Variants in TP73 observed in about 807,000 individuals in gnomAD.
The protein encoded by TP73 is tumor protein p73.
Under a neutral mutation model 62.5 loss-of-function variants are expected in TP73, and 25 were observed. The ratio of observed to expected loss-of-function variants is 0.40; its 90% CI spans 0.29 to 0.56. TP73 has a LOEUF of 0.56. Ranked by LOEUF, TP73 falls within the 20% of genes least tolerant of loss-of-function variation. The probability of loss-of-function intolerance (pLI) is 0.46; values close to 1 mark genes in which losing one functional copy is unlikely to be tolerated. For synonymous variants in TP73, 423 were observed against 377.5 expected (o/e 1.12, Z -1.40); for missense variants, 754 against 913.3 (o/e 0.83, Z 2.25).
At chr1:3,711,846 A>ATGTGTGTGTGTGTGTG (rs3841787) in intron 4 of TP73, among the ~76,000 whole-genome samples, 20 of 150,110 alleles carry the variant, frequency 1.3e-4, no homozygotes, top group African/African-American at 4.7e-4. Flanking sequence ...GAGCGTGTGT[A>ATGTGTGTGTGTGTGTG]TGTGTGTGTG....
intron 3 of TP73, among the ~76,000 whole-genome samples, chr1:3,683,440 G>A (rs1645571959): frequency 6.6e-6 from 1 of 152,078 alleles, no homozygotes; most frequent in South Asian, 2.1e-4. Flanking sequence ...TCCAGGTGTA[G>A]GAAGGGCTTC....
chr1:3,731,407 G>C (rs950536487), intron 12 of TP73, 56 bp from the exon 13 acceptor site: 2 of 1,548,580 alleles, frequency 1.3e-6, no homozygotes, highest in Admixed American at 1.7e-5. Flanking sequence ...ATGGGGGCTC[G>C]CGCAGCCCTG....
intron 3 of TP73, among the ~76,000 whole-genome samples, chr1:3,684,196 T>TCGGCCCCGCCCACAGGCTGG (rs1553134419): frequency 1.3e-5 from 2 of 152,170 alleles, no homozygotes; most frequent in African/African-American, 2.4e-5. Context: ...CGTCAGCTGC[T>TCGGCCCCGCCCACAGGCTGG]CGGCCCCGCC....
chr1:3,697,861 G>A (rs528980596), intron 3 of TP73, among the ~76,000 whole-genome samples: 55 of 152,294 alleles, frequency 3.6e-4, no homozygotes, highest in African/African-American at 1.2e-3. Context: ...CCTCTGCCTC[G>A]ATGGCCCCCC....
intron 1 of TP73, among the ~76,000 whole-genome samples, chr1:3,677,497 G>T (rs916745484): frequency 2.6e-5 from 4 of 152,130 alleles, no homozygotes; most frequent in Admixed American, 6.5e-5. Flanking sequence ...GGAACACCCA[G>T]CACAACTGTC....
chr1:3,701,642 T>C lies in TP73; in HGVS notation c.187-5907T>C, dbSNP rs1022268832. Among the ~76,000 whole-genome samples, 1 of 152,094 alleles carries C rather than the reference T, an allele frequency of 6.6e-6. No homozygotes were observed. The highest frequency in any genetic ancestry group is 2.4e-5 in the African/African-American group (1 of 41,394). On this transcript the variant is annotated intron_variant, in intron 3 of 13. Transcript: ENST00000378295. This position sits in a 1 kb window ranked among gnomAD's most constrained non-coding sequence, Gnocchi z 4.7. ...TGCTCATCCTCCCAAGTAGCTGGGA[T>C]TACAGGTGCCCACCACCACGCCCAG...
At chr1:3,698,513 G>A (rs1638868815) in intron 3 of TP73, among the ~76,000 whole-genome samples, 1 of 152,226 alleles carries the variant, frequency 6.6e-6, no homozygotes, top group African/African-American at 2.4e-5. Flanking sequence ...GGGCTGGTGG[G>A]CCAGCCCTCT....
Position 3,722,159 on chromosome 1 carries a change from G to A in TP73, c.568G>A (p.Val190Ile), listed in dbSNP as rs768086151. The change falls in exon 5 of 14, where the codon GTC becomes ATC. Residue 190 changes from valine to isoleucine, a missense_variant. Physicochemically the swap from Val to Ile is conservative, Grantham distance 29. Transcript: ENST00000378295. ...CAAGAAAGCGGAGCACGTGACCGAC[G>A]TCGTGAAACGCTGCCCCAACCACGA... The part of the protein sequence containing the change: ...VYKKAEHVTD[V>I]VKRCPNHELG... 30 of 1,612,576 alleles carry A rather than the reference G, an allele frequency of 1.9e-5. No individual in the cohort carries two copies. The highest frequency in any genetic ancestry group is 1.6e-4 in the Middle Eastern group (1 of 6,078).
intron 12 of TP73, 121 bp from the exon 13 acceptor site, chr1:3,731,342 G>A (rs1473667309): frequency 6.3e-6 from 7 of 1,107,606 alleles, no homozygotes; most frequent in Non-Finnish European, 9.2e-6. Context: ...CTGTGGGCTG[G>A]AGCCACCCTT....
At chr1:3,731,887 T>C (rs1352912005) in intron 13 of TP73, among the ~76,000 whole-genome samples, 1 of 151,902 alleles carries the variant, frequency 6.6e-6, no homozygotes, top group Non-Finnish European at 1.5e-5. Context: ...CCCGAGGGAG[T>C]CAGTCCAGTT....
chr1:3,677,647 CCT>C (rs1465520178), intron 1 of TP73, among the ~76,000 whole-genome samples: 1 of 151,958 alleles, frequency 6.6e-6, no homozygotes, highest in African/African-American at 2.4e-5. Context: ...ACTGGACGCC[CCT>C]GTTACAACTG....
chr1:3,724,022 C>T (rs1268346368), intron 6 of TP73, among the ~76,000 whole-genome samples: 1 of 151,512 alleles, frequency 6.6e-6, no homozygotes, highest in Non-Finnish European at 1.5e-5. Flanking sequence ...CCCCGCTGGG[C>T]ACCACGTGGG....
chr1:3,720,282 T>C lies in TP73; in HGVS notation c.430-1739T>C, dbSNP rs543526476. On this transcript the variant is annotated intron_variant, in intron 4 of 13. Coordinates refer to ENST00000378295, the MANE Select transcript of TP73 (RefSeq NM_005427.4). The stretch of plus-strand genomic sequence containing the variant: ...GGCTGTGCATGATGGTTCCTTCCTG[T>C]GTTTTAAACAGGACTGGGGATGGGC... Among the ~76,000 whole-genome samples, 158 of 152,322 alleles carry C rather than the reference T, an allele frequency of 1.0e-3. 2 individuals carry two copies. The Middle Eastern group carries it at 0.014, about 13-fold the overall frequency.
chr1:3,659,177 GA>G (rs5772114), intron 1 of TP73: 77,252 of 147,296 alleles, frequency 0.52, 20,643 homozygotes, highest in South Asian at 0.6. Flanking sequence ...GGAAACAAAA[GA>G]AAAAAAAAAA....
chr1:3,732,784 T>C lies in TP73; in HGVS notation c.1616T>C (p.Met539Thr). The C allele has an allele frequency of 3.1e-6, 5 of 1,601,996 alleles. No individual in the cohort carries two copies. The highest frequency in any genetic ancestry group is 4.3e-6 in the Non-Finnish European group (5 of 1,172,398). Reference sequence around the variant, plus strand: ...CTGAAGATCCCCGAGCAGTACCGCATGACCATCTGGCGGGGCCTGCAGGAC... The same window carrying C: ...CTGAAGATCCCCGAGCAGTACCGCACGACCATCTGGCGGGGCCTGCAGGAC... The part of the protein sequence containing the change: ...GALKIPEQYR[M>T]TIWRGLQDLK... Residue 539 changes from methionine (M) to threonine (T), a missense_variant, in exon 14 of 14, where the codon ATG (methionine) becomes ACG (threonine). Coordinates refer to ENST00000378295, the MANE Select transcript of TP73 (RefSeq NM_005427.4).
intron 6 of TP73, among the ~76,000 whole-genome samples, chr1:3,725,189 A>G (rs1570617232): frequency 6.6e-6 from 1 of 152,014 alleles, no homozygotes; most frequent in Non-Finnish European, 1.5e-5. Context: ...GTGCAGGCAC[A>G]CTCACACCCA....
chr1:3,685,628 T>G (rs1302628186), intron 3 of TP73, among the ~76,000 whole-genome samples: 1 of 152,140 alleles, frequency 6.6e-6, no homozygotes, highest in African/African-American at 2.4e-5. Flanking sequence ...AGACAGAGAC[T>G]CCGAAGGGCG....
intron 3 of TP73, among the ~76,000 whole-genome samples, chr1:3,684,534 G>A (rs1236816282): frequency 1.3e-5 from 2 of 152,228 alleles, no homozygotes; most frequent in Non-Finnish European, 2.9e-5. Context: ...AGGGAGTGGG[G>A]GCTGTGGGGC....
chr1:3,710,508 C>T (rs754923374), intron 4 of TP73, among the ~76,000 whole-genome samples: 1 of 152,164 alleles, frequency 6.6e-6, no homozygotes, highest in Non-Finnish European at 1.5e-5. Context: ...GGCCTCTGCA[C>T]CGTGACTCCT....
Sources: gnomAD v4.1 joint callset for allele counts (sites outside exome capture counted in the v4.1 genomes callset) on GRCh38, gnomAD v4.1.1 for gene constraint, Gnocchi (gnomAD v3.1) non-coding constraint, MANE v1.5 for transcripts, NCBI Gene and HGNC (gene_info 2026-07-23, HGNC 2026-07-21) for gene names.